Variants in RPL35A observed in about 807,000 individuals in gnomAD.
RPL35A encodes the protein large ribosomal subunit protein eL33.
Under a neutral mutation model 16.7 loss-of-function variants are expected in RPL35A, and 1 was observed. The observed-to-expected ratio is 0.06, with a 90% CI of 0.02 to 0.28. RPL35A has a LOEUF of 0.28. Among genes scored for constraint, RPL35A ranks in the 10% least tolerant of loss-of-function variants. The pLI is 1.00. For missense variants in RPL35A, 91 were observed against 138.7 expected, an observed-to-expected ratio of 0.66 and a Z score of 1.73; for synonymous variants, 58 against 47.0, an observed-to-expected ratio of 1.23 and a Z score of -0.96.
intron 3 of RPL35A, among the ~76,000 whole-genome samples, chr3:197,952,162 GTTTTTTTTTTTT>G (rs1161903755): frequency 9.5e-5 from 8 of 83,860 alleles, no homozygotes; most frequent in Admixed American, 1.4e-4. Flanking sequence ...AAAATTATGG[GTTTTTTTTTTTT>G]TTTTTTTTTT....
intron 4 of RPL35A, 104 bp downstream of exon 4, chr3:197,954,251 G>C: frequency 8.4e-7 from 1 of 1,184,620 alleles, no homozygotes; most frequent in Non-Finnish European, 1.2e-6. Context: ...ATTGACACCA[G>C]TAAATTATGC....
chr3:197,950,646 C>T, intron 1 of RPL35A: 2 of 478,632 alleles, frequency 4.2e-6, no homozygotes, highest in Non-Finnish European at 7.4e-6. Context: ...TGAGTGTTGC[C>T]TACTGATAAC....
chr3:197,953,845 G>A (rs376523373), intron 3 of RPL35A, 158 bp from the exon 4 acceptor site: 23 of 719,552 alleles, frequency 3.2e-5, no homozygotes, highest in East Asian at 3.0e-4. Context: ...ATAGTTACTC[G>A]ATAAGTATCT....
Position 197,956,026 on chromosome 3 carries a change from TG to T in RPL35A, c.*255del. ...CTCTGTTGCCCATGCTGGAGTGTAG[TG>T]GTGCTCGCTGCAGCCTCACATTCAA... On this transcript the variant is annotated 3_prime_UTR_variant, in exon 5 of 5. Transcript: ENST00000647248. 5 of 478,730 alleles carry T rather than the reference TG, an allele frequency of 1.0e-5. No homozygotes were observed. The highest frequency in any genetic ancestry group is 1.5e-5 in the Non-Finnish European group (4 of 260,964). The allele number at this position is 478,730 out of a possible 1,614,324, so 29.7% of individuals were successfully genotyped here.
rs145660527 is a variant in RPL35A at position 197,951,168 on chromosome 3, C to T, written c.21C>T (p.Ser7=). Residue 7 remains serine, a synonymous_variant, in exon 3 of 5, where the codon TCC becomes TCT. Coordinates refer to ENST00000647248, the MANE Select transcript of RPL35A (RefSeq NM_000996.4). MSGRLW[S]KAIFAGYKRG... is the part of the protein sequence containing the mutation. ...ATCTTTTGTGTCTTAGGCTGTGGTC[C>T]AAGGCCATTTTTGCTGGCTATAAGC... is the stretch of plus-strand genomic sequence containing the variant. The T allele has an allele frequency of 1.8e-4, 293 of 1,614,016 alleles. No homozygotes were observed. In the East Asian group the frequency reaches 6.1e-3, roughly 34 times the overall value.
chr3:197,951,665 T>G (rs1033731157), intron 3 of RPL35A: 18 of 257,038 alleles, frequency 7.0e-5, no homozygotes, highest in Non-Finnish European at 7.7e-6. Flanking sequence ...ATTATCCTAT[T>G]GAAATAATAA....
At chr3:197,955,509 G>A (rs926104362) in intron 4 of RPL35A, among the ~76,000 whole-genome samples, 2 of 152,038 alleles carry the variant, frequency 1.3e-5, no homozygotes, top group African/African-American at 2.4e-5. Context: ...GGATCTGCCC[G>A]CCTAGGCCTC....
At chr3:197,950,420 C>A in intron 1 of RPL35A, 199 bp downstream of exon 1, 1 of 910,186 alleles carries the variant, frequency 1.1e-6, no homozygotes, top group Admixed American at 4.4e-5. Flanking sequence ...AACGGCTGCC[C>A]GGGTTATCCC....
At chr3:197,954,975 CAG>C (rs1720415827) in intron 4 of RPL35A, among the ~76,000 whole-genome samples, 1 of 152,184 alleles carries the variant, frequency 6.6e-6, no homozygotes, top group East Asian at 1.9e-4. Flanking sequence ...ATGAAGAAAA[CAG>C]ACTCTCATGT....
chr3:197,950,235 C>T lies in RPL35A; in HGVS notation c.-33+14C>T. On this transcript the variant is annotated intron_variant, in intron 1 of 4. Coordinates refer to ENST00000647248, the MANE Select transcript of RPL35A (RefSeq NM_000996.4). ...GCTCCTGTGGAGGTGAGTGAAGGGT[C>T]TGCTGCTGAAATTTGGGGGCAAATA... 1 of 1,230,962 alleles carries T rather than the reference C, an allele frequency of 8.1e-7. No homozygotes were observed. Among genetic ancestry groups the T allele is most frequent in the Middle Eastern group, 3.1e-4 (1 of 3,206 alleles). The allele number at this position is 1,230,962 out of a possible 1,614,324, so 76.3% of individuals were successfully genotyped here.
In RPL35A at chr3:197,953,910, A is replaced by G. The variant is rs1581105470; in HGVS notation, c.165-93A>G. Reference sequence around the variant, plus strand: ...AGTTTCTCAGGTGATGAAGTGGGTAACCAGGGTTGAGAGCCACTCGTGTAG... The same window carrying G: ...AGTTTCTCAGGTGATGAAGTGGGTAGCCAGGGTTGAGAGCCACTCGTGTAG... On this transcript the variant is annotated intron_variant, in intron 3 of 4. Coordinates refer to ENST00000647248, the MANE Select transcript of RPL35A (RefSeq NM_000996.4). 5 of 1,286,592 alleles carry G rather than the reference A, an allele frequency of 3.9e-6. No homozygotes were observed. In the East Asian group the frequency reaches 1.2e-4, roughly 30 times the overall value. 79.7% of individuals were successfully genotyped at this position (1,286,592 alleles called of 1,614,324 possible). A position where few individuals can be genotyped will look rare whatever the true frequency, so the allele number is the denominator to read the frequency against.
intron 4 of RPL35A, among the ~76,000 whole-genome samples, chr3:197,955,193 G>C (rs1327133795): frequency 6.6e-6 from 1 of 152,010 alleles, no homozygotes; most frequent in African/African-American, 2.4e-5. Flanking sequence ...GTTCATTAGG[G>C]TTTATCAACA....
At chr3:197,950,879 A>G in intron 1 of RPL35A, 57 bp from the exon 2 acceptor site, 1 of 1,545,346 alleles carries the variant, frequency 6.5e-7, no homozygotes, top group Non-Finnish European at 8.9e-7. Context: ...ACGAGAGGGG[A>G]CGAGGTGGGA....
Position 197,954,483 on chromosome 3 carries a change from G to A in RPL35A, c.309+336G>A, listed in dbSNP as rs374444281. ...CAAGTAGCTGGGACCATAGGCGTGT[G>A]CCACCACACCCAGCTAATTTTTGGG... On this transcript the variant is annotated intron_variant, in intron 4 of 4. Coordinates refer to ENST00000647248, the MANE Select transcript of RPL35A (RefSeq NM_000996.4). 120 of 372,608 alleles carry A rather than the reference G, an allele frequency of 3.2e-4. 1 individual carries two copies. The highest frequency in any genetic ancestry group is 2.1e-3 in the African/African-American group (99 of 47,826). The allele number at this position is 372,608 out of a possible 1,614,324, so 23.1% of individuals were successfully genotyped here. A position where few individuals can be genotyped will look rare whatever the true frequency, so the allele number is the denominator to read the frequency against.
At position 197,950,204 on chromosome 3, in the gene RPL35A, A is replaced by ATCTTGGCTCCTGTGGAGGTGAG; in HGVS notation, c.-48_-33+6dup. The ATCTTGGCTCCTGTGGAGGTGAG allele has an allele frequency of 8.1e-7, 1 of 1,231,580 alleles. No individual in the cohort carries two copies. Among genetic ancestry groups the ATCTTGGCTCCTGTGGAGGTGAG allele is most frequent in the East Asian group, 3.2e-5 (1 of 31,700 alleles). 76.3% of individuals were successfully genotyped at this position (1,231,580 alleles called of 1,614,324 possible). ...GGGGCCTCGTCCTTCTCTTACCGCC[A>ATCTTGGCTCCTGTGGAGGTGAG]TCTTGGCTCCTGTGGAGGTGAGTGA... On this transcript the variant is annotated 5_prime_UTR_variant, in exon 1 of 5. Transcript: ENST00000647248.
intron 3 of RPL35A, among the ~76,000 whole-genome samples, chr3:197,953,091 G>C (rs1361467457): frequency 2.0e-5 from 3 of 152,236 alleles, no homozygotes; most frequent in Non-Finnish European, 4.4e-5. Flanking sequence ...GAGCCATCGT[G>C]CCATTGCACC....
intron 3 of RPL35A, 32 bp from the exon 4 acceptor site, chr3:197,953,971 T>C (rs1270622205): frequency 3.1e-6 from 5 of 1,611,374 alleles, no homozygotes; most frequent in Admixed American, 1.7e-5. Context: ...TATATCAGCT[T>C]GTATTCCTCT....
chr3:197,952,171 T>TG (rs1720157187), intron 3 of RPL35A, among the ~76,000 whole-genome samples: 3 of 130,638 alleles, frequency 2.3e-5, no homozygotes, highest in Non-Finnish European at 4.8e-5. Flanking sequence ...GGTTTTTTTT[T>TG]TTTTTTTTTT....
chr3:197,954,245 A>ACTGGTGTCAATTT, intron 4 of RPL35A, 98 bp downstream of exon 4: 1 of 1,260,970 alleles, frequency 7.9e-7, no homozygotes, highest in Non-Finnish European at 1.1e-6. Context: ...TGTGAAATTG[A>ACTGGTGTCAATTT]CACCAGTAAA....
Sources: gnomAD v4.1 joint callset for allele counts (sites outside exome capture counted in the v4.1 genomes callset) on GRCh38, gnomAD v4.1.1 for gene constraint, MANE v1.5 for transcripts, NCBI Gene and HGNC (gene_info 2026-07-23, HGNC 2026-07-21) for gene names.